Variants in SLCO2A1 observed in about 807,000 individuals in gnomAD.
SLCO2A1 encodes solute carrier organic anion transporter family member 2A1.
A neutral mutation model predicts 71.7 loss-of-function variants in SLCO2A1; 60 were observed. That is an observed-to-expected ratio of 0.84 (90% CI 0.68 to 1.04). The LOEUF (loss-of-function observed/expected upper bound fraction) is 1.04. SLCO2A1 is among the 50% of genes least tolerant of loss of function. The probability of loss-of-function intolerance (pLI) is 0.00; values close to 1 mark genes in which losing one functional copy is unlikely to be tolerated. For synonymous variants in SLCO2A1, 308 were observed against 326.7 expected (o/e 0.94, Z 0.62); for missense variants, 745 against 813.4 (o/e 0.92, Z 1.02).
At chr3:133,957,691 G>T (rs1204146226) in intron 3 of SLCO2A1, among the ~76,000 whole-genome samples, 1 of 152,188 alleles carries the variant, frequency 6.6e-6, no homozygotes, top group Non-Finnish European at 1.5e-5. Context: ...GGGGCTGGCT[G>T]CTGGGATGTG....
chr3:133,956,879 C>CT (rs578189384), intron 3 of SLCO2A1, among the ~76,000 whole-genome samples: 39 of 152,270 alleles, frequency 2.6e-4, no homozygotes, highest in Non-Finnish European at 5.3e-4. Flanking sequence ...ATGGCTCTCT[C>CT]TGGGTGATGA....
intron 1 of SLCO2A1, among the ~76,000 whole-genome samples, chr3:133,988,398 A>G (rs1934763098): frequency 6.6e-6 from 1 of 152,188 alleles, no homozygotes; most frequent in Admixed American, 6.5e-5. Flanking sequence ...AACCTAAACT[A>G]TAGGCTGGAA....
Position 133,938,414 on chromosome 3 carries a change from G to C in SLCO2A1, c.1690+15C>G, listed in dbSNP as rs1262882459. 3.7e-6 allele frequency: 6 copies of C among 1,613,112 alleles called. No individual in the cohort carries two copies. The Admixed American group carries it at 1.0e-4, about 27-fold the overall frequency. On this transcript the variant is annotated intron_variant, in intron 12 of 13. Coordinates refer to ENST00000310926, the MANE Select transcript of SLCO2A1 (RefSeq NM_005630.3). Reference sequence around the variant, plus strand: ...CTGGGGCCACTTCTTGGGAAGAGGGGTCTTAGACACTTACCCAGCAAGCGC... The same window carrying C: ...CTGGGGCCACTTCTTGGGAAGAGGGCTCTTAGACACTTACCCAGCAAGCGC...
intron 2 of SLCO2A1, among the ~76,000 whole-genome samples, chr3:133,975,980 A>T (rs1934435964): frequency 6.6e-6 from 1 of 152,216 alleles, no homozygotes; most frequent in Non-Finnish European, 1.5e-5. Flanking sequence ...CCTTAGAATG[A>T]TATATGAGCA....
At chr3:133,999,156 G>A (rs189990028) in intron 1 of SLCO2A1, among the ~76,000 whole-genome samples, 1 of 152,258 alleles carries the variant, frequency 6.6e-6, no homozygotes, top group Admixed American at 6.5e-5. Context: ...CATCACACCT[G>A]TGATTCCAGG....
chr3:133,977,691 C>T (rs538841405), intron 2 of SLCO2A1, among the ~76,000 whole-genome samples: 1 of 152,148 alleles, frequency 6.6e-6, no homozygotes. Context: ...GGTCATGAAA[C>T]AAGACCGTGG....
rs1933226184 is a variant in SLCO2A1, at chr3:133,934,794, G to C, written c.1851C>G (p.Gly617=). 6.2e-7 allele frequency: 1 copy of C among 1,612,478 alleles called. No individual in the cohort carries two copies. The highest frequency in any genetic ancestry group is 1.7e-5 in the Admixed American group (1 of 59,990). Reference sequence around the variant, plus strand: ...AGCTGATGAAGCAAAGCAGCAGCATGCCCAGCGCCTTGTAGCCCATCTGCA... The same window carrying C: ...AGCTGATGAAGCAAAGCAGCAGCATCCCCAGCGCCTTGTAGCCCATCTGCA... ...LGLQMGYKAL[G]MLLLCFISWR... Residue 617 remains glycine, a synonymous_variant, in exon 14 of 14, where the codon GGC becomes GGG. Transcript: ENST00000310926.
At chr3:133,988,393 A>G (rs1243419723) in intron 1 of SLCO2A1, among the ~76,000 whole-genome samples, 2 of 152,190 alleles carry the variant, frequency 1.3e-5, no homozygotes, top group Admixed American at 1.3e-4. Flanking sequence ...TTTTGAACCT[A>G]AACTATAGGC....
intron 11 of SLCO2A1, among the ~76,000 whole-genome samples, chr3:133,941,379 G>C (rs1357928515): frequency 6.6e-6 from 1 of 152,008 alleles, no homozygotes; most frequent in Non-Finnish European, 1.5e-5. Flanking sequence ...CTTTGAGTTC[G>C]ATATCATCAT....
At chr3:133,974,194 A>G (rs1427418391) in intron 2 of SLCO2A1, among the ~76,000 whole-genome samples, 1 of 152,346 alleles carries the variant, frequency 6.6e-6, no homozygotes, top group East Asian at 1.9e-4. Context: ...GGAATAAAAC[A>G]CATTCCCTAA....
intron 1 of SLCO2A1, among the ~76,000 whole-genome samples, chr3:134,003,670 G>T (rs1935146775): frequency 6.6e-6 from 1 of 152,190 alleles, no homozygotes; most frequent in Non-Finnish European, 1.5e-5. Flanking sequence ...GCCACATTCT[G>T]TCCTATACCT....
chr3:134,000,763 C>G (rs1461282944), intron 1 of SLCO2A1, among the ~76,000 whole-genome samples: 1 of 152,182 alleles, frequency 6.6e-6, no homozygotes, highest in Non-Finnish European at 1.5e-5. Flanking sequence ...ATAAACTCCC[C>G]TTGGGCTTTA....
At chr3:133,948,122 C>G (rs1241544169) in intron 8 of SLCO2A1, among the ~76,000 whole-genome samples, 1 of 152,192 alleles carries the variant, frequency 6.6e-6, no homozygotes, top group East Asian at 1.9e-4. Flanking sequence ...TTGAGAATCT[C>G]TGGACCATAT....
At chr3:134,015,095 A>G (rs9821091) in intron 1 of SLCO2A1, among the ~76,000 whole-genome samples, 79,695 of 152,078 alleles carry the variant, frequency 0.52, 22,364 homozygotes, top group South Asian at 0.68. Flanking sequence ...TCCATAAGAT[A>G]AACACATACC....
intron 1 of SLCO2A1, among the ~76,000 whole-genome samples, chr3:134,000,646 C>T (rs151318479): frequency 1.6e-4 from 25 of 152,294 alleles, no homozygotes; most frequent in African/African-American, 5.3e-4. Context: ...TATTCAACCT[C>T]ACACCCTGGA....
At chr3:134,011,487 G>A (rs1358738318) in intron 1 of SLCO2A1, among the ~76,000 whole-genome samples, 1 of 152,228 alleles carries the variant, frequency 6.6e-6, no homozygotes, top group East Asian at 1.9e-4. Context: ...GATATCAAGG[G>A]CAATTTGAAA....
chr3:133,938,558 G>C, intron 11 of SLCO2A1, 65 bp from the exon 12 acceptor site: 1 of 1,514,126 alleles, frequency 6.6e-7, no homozygotes, highest in Non-Finnish European at 9.2e-7. Context: ...TTGGGTAAGG[G>C]GCAGCCAGCC....
At chr3:133,963,148 A>C (rs1280463486) in intron 3 of SLCO2A1, among the ~76,000 whole-genome samples, 1 of 151,942 alleles carries the variant, frequency 6.6e-6, no homozygotes, top group African/African-American at 2.4e-5. Flanking sequence ...CCTCTGACTC[A>C]CTCCACCATT....
intron 1 of SLCO2A1, among the ~76,000 whole-genome samples, chr3:133,994,816 G>A (rs11720593): frequency 0.43 from 65,481 of 151,708 alleles, 16,864 homozygotes; most frequent in Non-Finnish European, 0.58. Context: ...TTCTTGCCCC[G>A]CTTCTTCCAA....
Sources: gnomAD v4.1 joint callset for allele counts (sites outside exome capture counted in the v4.1 genomes callset) on GRCh38, gnomAD v4.1.1 for gene constraint, MANE v1.5 for transcripts, NCBI Gene and HGNC (gene_info 2026-07-23, HGNC 2026-07-21) for gene names.